SNX25: variants seen among roughly 807,000 people sequenced by gnomAD.
SNX25 encodes the protein sorting nexin 25, also known as sorting nexin-25.
A neutral mutation model predicts 113.7 loss-of-function variants in SNX25; 62 were observed. The observed-to-expected ratio is 0.55, with a 90% CI of 0.44 to 0.67. The LOEUF is 0.67. SNX25 is among the 30% of genes least tolerant of loss of function. The pLI is 0.00. For synonymous variants in SNX25, 421 were observed against 436.2 expected (o/e 0.97, Z 0.43); for missense variants, 1,014 against 1,161.0 (o/e 0.87, Z 1.84).
chr4:185,295,451 C>CTT (rs11342153), intron 6 of SNX25, among the ~76,000 whole-genome samples: 1,383 of 137,634 alleles, frequency 0.01, 11 homozygotes, highest in South Asian at 0.033. Context: ...TCTGGTGAGT[C>CTT]TTTTTTTTTT....
chr4:185,376,340 C>T, the SNX25 span, among the ~76,000 whole-genome samples: 1 of 151,966 alleles, frequency 6.6e-6, no homozygotes, highest in African/African-American at 2.4e-5. Flanking sequence ...TGCAGTGGCA[C>T]GATCTCAGCT....
downstream of SNX25, chr4:185,370,615 A>T: frequency 1.2e-6 from 2 of 1,605,352 alleles, no homozygotes; most frequent in Non-Finnish European, 1.7e-6. Flanking sequence ...CTTTGGGTGA[A>T]TTTATATTTT....
chr4:185,352,084 C>T (rs1333519233), intron 14 of SNX25, among the ~76,000 whole-genome samples: 1 of 152,144 alleles, frequency 6.6e-6, no homozygotes, highest in African/African-American at 2.4e-5. Flanking sequence ...GCTGTATTCT[C>T]AGGCATGAAG....
intron 7 of SNX25, among the ~76,000 whole-genome samples, chr4:185,316,407 C>T: frequency 6.6e-6 from 1 of 152,186 alleles, no homozygotes; most frequent in East Asian, 1.9e-4. Context: ...GGATTGAAAC[C>T]TACATGTATC....
chr4:185,217,311 A>C (rs1739027716), intron 1 of SNX25, among the ~76,000 whole-genome samples: 1 of 152,170 alleles, frequency 6.6e-6, no homozygotes, highest in Non-Finnish European at 1.5e-5. Context: ...GAGTTAATGA[A>C]GCTGTGTGAA....
At chr4:185,241,840 A>C (rs1193225321) in intron 1 of SNX25, among the ~76,000 whole-genome samples, 4 of 152,182 alleles carry the variant, frequency 2.6e-5, no homozygotes, top group Non-Finnish European at 5.9e-5. Flanking sequence ...TCTTTACCTG[A>C]AGCCTATGCT....
At chr4:185,270,135 T>A (rs1337408878) in intron 5 of SNX25, among the ~76,000 whole-genome samples, 1 of 149,952 alleles carries the variant, frequency 6.7e-6, no homozygotes, top group Middle Eastern at 3.3e-3. Flanking sequence ...GCAGATTGCT[T>A]GAGCCTGGCA....
intron 13 of SNX25, among the ~76,000 whole-genome samples, chr4:185,348,810 G>GA (rs1579887084): frequency 6.6e-6 from 1 of 152,140 alleles, no homozygotes; most frequent in East Asian, 1.9e-4. Flanking sequence ...CAGAACACCA[G>GA]AACTTTTTCC....
downstream of SNX25, chr4:185,365,257 A>G (rs905123404): frequency 6.6e-6 from 1 of 152,220 alleles, no homozygotes; most frequent in African/African-American, 2.4e-5. Flanking sequence ...TGTATGGCAC[A>G]CGTCAAAGTT....
rs918982787 is a variant in SNX25, at chr4:185,333,779, A to G, written c.1914+1020A>G. Among the ~76,000 whole-genome samples, 5 of 152,132 alleles carry G rather than the reference A, an allele frequency of 3.3e-5. No individual in the cohort carries two copies. In the South Asian group the frequency reaches 6.2e-4, roughly 19 times the overall value. ...ATTGTTAGTGATGGGCTGGCTGCACAATGGCTCATGCCTGTAATCTTTGGG... is the reference window on the plus strand; with the variant it reads ...ATTGTTAGTGATGGGCTGGCTGCACGATGGCTCATGCCTGTAATCTTTGGG... On this transcript the variant is annotated intron_variant, in intron 10 of 18. Coordinates refer to ENST00000652585, the MANE Select transcript of SNX25 (RefSeq NM_001378034.2).
At chr4:185,254,602 G>A (rs1038012699) in intron 2 of SNX25, among the ~76,000 whole-genome samples, 1 of 152,192 alleles carries the variant, frequency 6.6e-6, no homozygotes, top group Non-Finnish European at 1.5e-5. Flanking sequence ...ACATCCTGTT[G>A]TCTAGACTAA....
downstream of SNX25, chr4:185,372,809 T>A (rs373553940): frequency 7.7e-6 from 11 of 1,433,868 alleles, no homozygotes; most frequent in Non-Finnish European, 9.7e-6. Context: ...AATTACCTAG[T>A]GTGTGATATT....
chr4:185,352,204 C>A (rs1169142050), intron 14 of SNX25, among the ~76,000 whole-genome samples: 2 of 152,192 alleles, frequency 1.3e-5, no homozygotes, highest in Admixed American at 1.3e-4. Flanking sequence ...GACTTCTCCC[C>A]CAGAGTAGGC....
At chr4:185,331,013 G>A (rs528902920) in intron 9 of SNX25, among the ~76,000 whole-genome samples, 95 of 152,216 alleles carry the variant, frequency 6.2e-4, no homozygotes, top group African/African-American at 2.2e-3. Context: ...AATTGAATAA[G>A]GATGTGAACT....
chr4:185,220,409 T>C (rs1739603687), intron 1 of SNX25, among the ~76,000 whole-genome samples: 1 of 151,996 alleles, frequency 6.6e-6, no homozygotes, highest in Admixed American at 6.6e-5. Flanking sequence ...ATTAGGTATA[T>C]CTCCTAATGC....
intron 7 of SNX25, among the ~76,000 whole-genome samples, 172 bp downstream of exon 7, chr4:185,310,988 C>T (rs3806823): frequency 0.33 from 50,731 of 151,886 alleles, 9,177 homozygotes; most frequent in East Asian, 0.49. Flanking sequence ...TGTCCTTGAC[C>T]TGTATGGGTG....
intron 1 of SNX25, among the ~76,000 whole-genome samples, chr4:185,217,713 C>T (rs1739096075): frequency 6.6e-6 from 1 of 152,110 alleles, no homozygotes; most frequent in African/African-American, 2.4e-5. Flanking sequence ...GCCCTAGATT[C>T]CTTAAAATGT....
Position 185,363,758 on chromosome 4 carries a change from A to G in SNX25, c.*293A>G, listed in dbSNP as rs2095376805. 4.2e-6 allele frequency: 1 copy of G among 238,614 alleles called. No homozygotes were observed. 14.8% of individuals were successfully genotyped at this position (238,614 alleles called of 1,614,324 possible). A position where few individuals can be genotyped will look rare whatever the true frequency, so the allele number is the denominator to read the frequency against. ...CTAGGAAGTATTTTAAATATTTATG[A>G]AAATATTTTGTTTTAAAATGAACTA... On this transcript the variant is annotated 3_prime_UTR_variant, in exon 19 of 19. Transcript: ENST00000652585. This position sits in a 1 kb window ranked among gnomAD's most constrained non-coding sequence, Gnocchi z 4.2.
chr4:185,222,910 G>T (rs555398092), intron 1 of SNX25, among the ~76,000 whole-genome samples: 2 of 152,272 alleles, frequency 1.3e-5, no homozygotes, highest in South Asian at 4.1e-4. Flanking sequence ...TACTTTCAAA[G>T]GTTCTTTGGA....
Sources: allele counts gnomAD v4.1 joint callset (sites outside exome capture counted in the v4.1 genomes callset), GRCh38; gene constraint gnomAD v4.1.1; non-coding constraint Gnocchi (gnomAD v3.1); transcripts MANE v1.5; gene names NCBI Gene and HGNC (gene_info 2026-07-23, HGNC 2026-07-21).